Variants in TMEM120B observed in about 807,000 individuals in gnomAD.
TMEM120B encodes the protein transmembrane protein 120B.
In TMEM120B, 31 loss-of-function variants were observed where a neutral mutation model predicts 55.5. The ratio of observed to expected loss-of-function variants is 0.56; its 90% CI spans 0.42 to 0.75. TMEM120B has a LOEUF of 0.75. Among genes scored for constraint, TMEM120B ranks in the 30% least tolerant of loss-of-function variants. The pLI, the probability that TMEM120B is intolerant of heterozygous loss-of-function variation, is 0.00. For synonymous variants in TMEM120B, 203 were observed against 176.3 expected, an observed-to-expected ratio of 1.15 and a Z score of -1.20; for missense variants, 399 against 425.5, an observed-to-expected ratio of 0.94 and a Z score of 0.55.
intron 6 of TMEM120B, among the ~76,000 whole-genome samples, chr12:121,762,400 C>T (rs1873709450): frequency 6.6e-6 from 1 of 152,196 alleles, no homozygotes; most frequent in Non-Finnish European, 1.5e-5. Context: ...CACCCAGCAA[C>T]TCCAGGCTCA....
chr12:121,733,425 T>C (rs1895040917), intron 1 of TMEM120B, among the ~76,000 whole-genome samples: 1 of 151,802 alleles, frequency 6.6e-6, no homozygotes. Flanking sequence ...TTTGTATTTT[T>C]AGTAAAGAAG....
chr12:121,741,214 T>TAC (rs1473990664), intron 1 of TMEM120B, among the ~76,000 whole-genome samples: 2 of 152,096 alleles, frequency 1.3e-5, no homozygotes, highest in Non-Finnish European at 2.9e-5. Flanking sequence ...CAGGCACACA[T>TAC]ACATGGGGGA....
chr12:121,772,331 T>A (rs1874092170), intron 8 of TMEM120B, among the ~76,000 whole-genome samples: 1 of 152,070 alleles, frequency 6.6e-6, no homozygotes, highest in Non-Finnish European at 1.5e-5. Context: ...GATTTCACCA[T>A]GTTGGTCAGG....
intron 1 of TMEM120B, among the ~76,000 whole-genome samples, chr12:121,741,187 G>A (rs1592932985): frequency 1.3e-5 from 2 of 152,122 alleles, no homozygotes; most frequent in Admixed American, 1.3e-4. Flanking sequence ...GCTTGATAGA[G>A]AAAAAGAACA....
intron 4 of TMEM120B, among the ~76,000 whole-genome samples, 184 bp from the exon 5 acceptor site, chr12:121,751,944 C>T (rs1383119662): frequency 2.6e-5 from 4 of 152,190 alleles, no homozygotes; most frequent in Admixed American, 2.0e-4. Context: ...CATACTTGGC[C>T]CTCTTCCCCT....
rs1475803122 is a variant in TMEM120B, at chr12:121,761,634, T to A, written c.462-15T>A. On this transcript the variant is annotated splice_polypyrimidine_tract_variant and intron_variant, in intron 5 of 11. Coordinates refer to ENST00000449592, the MANE Select transcript of TMEM120B (RefSeq NM_001080825.2). ...TCACGCCCGCACCCCTCCCGGGGGC[T>A]GTTTCCTTGCACAGGGTGACTGACG... 6.2e-7 allele frequency: 1 copy of A among 1,610,452 alleles called. No individual in the cohort carries two copies. The highest frequency in any genetic ancestry group is 1.3e-5 in the African/African-American group (1 of 74,970).
rs895537741 is a variant in TMEM120B at position 121,761,673 on chromosome 12, C to T, written c.486C>T (p.Phe162=). The T allele has an allele frequency of 6.2e-7, 1 of 1,614,014 alleles. No individual in the cohort carries two copies. Among genetic ancestry groups the T allele is most frequent in the Non-Finnish European group, 8.5e-7 (1 of 1,179,952 alleles). ...HYRVTDEVFN[F]LLVWYYCTLT... ...GGGTGACTGACGAAGTCTTCAACTT[C>T]CTGCTGGTGTGGTATTACTGCACCC... Residue 162 remains phenylalanine, a synonymous_variant, in exon 6 of 12, where the codon TTC becomes TTT. Transcript: ENST00000449592.
At chr12:121,762,124 C>T (rs1396993987) in intron 6 of TMEM120B, among the ~76,000 whole-genome samples, 2 of 152,066 alleles carry the variant, frequency 1.3e-5, no homozygotes, top group African/African-American at 4.8e-5. Context: ...AACCCTGTCT[C>T]TACTAAAAAT....
chr12:121,768,935 C>T (rs1400782088), intron 6 of TMEM120B, among the ~76,000 whole-genome samples: 1 of 152,000 alleles, frequency 6.6e-6, no homozygotes, highest in East Asian at 1.9e-4. Context: ...CCCCTGAGGT[C>T]AGGAGTTCGA....
At chr12:121,765,771 C>T (rs1873826351) in intron 6 of TMEM120B, among the ~76,000 whole-genome samples, 1 of 152,152 alleles carries the variant, frequency 6.6e-6, no homozygotes, top group East Asian at 1.9e-4. Flanking sequence ...GGAGATTTAG[C>T]CTCCGCCCTC....
rs770397378 is a variant in TMEM120B at position 121,748,393 on chromosome 12, C to G, written c.256C>G (p.Arg86Gly). 6 of 1,610,522 alleles carry G rather than the reference C, an allele frequency of 3.7e-6. No individual in the cohort carries two copies. Among genetic ancestry groups the G allele is most frequent in the South Asian group, 2.2e-5 (2 of 91,038 alleles). Residue 86 changes from arginine (R) to glycine (G), a missense_variant, in exon 3 of 12, where the codon CGG becomes GGG. By Grantham distance (125) the Arg-to-Gly change is moderately radical (BLOSUM62 -2). Transcript: ENST00000449592. ...GCAGATGGCAGCGAACATCAAGGAG[C>G]GGCAGGACGTCTTCTTCGACATGGA... is the stretch of plus-strand genomic sequence containing the variant. ...VQQMAANIKE[R>G]QDVFFDMEAY... is the part of the protein sequence containing the mutation.
rs1317654028 is a variant in TMEM120B, at chr12:121,775,710, A to G, written c.1008A>G (p.Thr336=). 3.1e-6 allele frequency: 5 copies of G among 1,613,980 alleles called. No individual in the cohort carries two copies. The highest frequency in any genetic ancestry group is 1.7e-5 in the Admixed American group (1 of 60,016). The change falls in exon 12 of 12, where the codon ACA becomes ACG. Residue 336 remains threonine (T), a synonymous_variant. Transcript: ENST00000449592. This position sits in a 1 kb window ranked among gnomAD's most constrained non-coding sequence, Gnocchi z 4.3. The part of the protein sequence containing the change: ...HAKLQKNRGK[T]KQP ...AGCTCCAGAAGAACAGAGGCAAGAC[A>G]AAGCAGCCGTGAGCCTCGGGCTCCT... is the stretch of plus-strand genomic sequence containing the variant.
At chr12:121,714,666 A>G (rs956936410) in intron 1 of TMEM120B, among the ~76,000 whole-genome samples, 1 of 144,708 alleles carries the variant, frequency 6.9e-6, no homozygotes, top group African/African-American at 2.6e-5. Context: ...GATTCAAGCG[A>G]TTCTCCTGCC....
chr12:121,730,482 T>TA lies in TMEM120B; in HGVS notation c.70-13136dup, dbSNP rs57530738. Among the ~76,000 whole-genome samples, 24 of 147,062 alleles carry TA rather than the reference T, an allele frequency of 1.6e-4. No individual in the cohort carries two copies. In the South Asian group the frequency reaches 5.0e-3, roughly 30 times the overall value. ...CAATATGGTGAAACCCCTTCTCTACTAAAAAAAAAAATACAAAAATTAGCT... is the reference window on the plus strand; with the variant it reads ...CAATATGGTGAAACCCCTTCTCTACTAAAAAAAAAAAATACAAAAATTAGCT... On this transcript the variant is annotated intron_variant, in intron 1 of 11. Coordinates refer to ENST00000449592, the MANE Select transcript of TMEM120B (RefSeq NM_001080825.2).
intron 8 of TMEM120B, among the ~76,000 whole-genome samples, chr12:121,771,960 TCTTA>T (rs1401023388): frequency 2.0e-5 from 3 of 152,156 alleles, no homozygotes; most frequent in Non-Finnish European, 4.4e-5. Context: ...AGGGAGAGCG[TCTTA>T]CTTTTCACCA....
rs1354014777 is a variant in TMEM120B, at chr12:121,746,082, A to C, written c.189-2244A>C. ...TGCCATTTTGGCCAGGCTGGTCTCG[A>C]ACTCCTGACTTCAGGTGATCTGCCC... is the stretch of plus-strand genomic sequence containing the variant. On this transcript the variant is annotated intron_variant, in intron 2 of 11. Transcript: ENST00000449592. 4.6e-5 allele frequency among the ~76,000 whole-genome samples: 7 copies of C among 151,918 alleles called. 1 individual carries two copies. Among genetic ancestry groups the C allele is most frequent in the African/African-American group, 1.7e-4 (7 of 41,346 alleles).
intron 3 of TMEM120B, among the ~76,000 whole-genome samples, 187 bp downstream of exon 3, chr12:121,748,629 C>CCGTG (rs1873179015): frequency 6.6e-6 from 1 of 152,100 alleles, no homozygotes; most frequent in Admixed American, 6.6e-5. Flanking sequence ...CTTAGCCACA[C>CCGTG]CGTGTGACAG....
chr12:121,759,627 G>A (rs1368354448), intron 5 of TMEM120B, among the ~76,000 whole-genome samples: 1 of 151,404 alleles, frequency 6.6e-6, no homozygotes, highest in Non-Finnish European at 1.5e-5. Context: ...GCAGTGAGCC[G>A]AGATCCCACC....
In TMEM120B at chr12:121,752,427, C is replaced by G. The variant is rs527466227; in HGVS notation, c.461+204C>G. Among the ~76,000 whole-genome samples the G allele has an allele frequency of 8.5e-5, 13 of 152,244 alleles. No homozygotes were observed. The South Asian group carries it at 2.7e-3, about 32-fold the overall frequency. The stretch of plus-strand genomic sequence containing the variant: ...CATCCAACAAGTATCTGTTAAACGG[C>G]TGCTGGAAAGGCCTTGTACTGTACT... On this transcript the variant is annotated intron_variant, in intron 5 of 11. Coordinates refer to ENST00000449592, the MANE Select transcript of TMEM120B (RefSeq NM_001080825.2).
Sources: gnomAD v4.1 joint callset for allele counts (sites outside exome capture counted in the v4.1 genomes callset) on GRCh38, gnomAD v4.1.1 for gene constraint, Gnocchi (gnomAD v3.1) non-coding constraint, MANE v1.5 for transcripts, NCBI Gene and HGNC (gene_info 2026-07-23, HGNC 2026-07-21) for gene names.